The following TSHZ1 variants were observed in gnomAD, a reference collection of about 807,000 sequenced individuals.
TSHZ1 encodes teashirt zinc finger homeobox 1.
A neutral mutation model predicts 67.1 loss-of-function variants in TSHZ1; 12 were observed. That is an observed-to-expected ratio of 0.18 (90% CI 0.11 to 0.29). The LOEUF is 0.29. TSHZ1 is among the 10% of genes least tolerant of loss of function. The pLI, the probability that TSHZ1 is intolerant of heterozygous loss-of-function variation, is 1.00. For missense variants in TSHZ1, 1,305 were observed against 1,413.9 expected (o/e 0.92, Z 1.23); for synonymous variants, 632 against 622.4 (o/e 1.02, Z -0.23).
chr18:75,237,788 T>TTTATTTA (rs1290756952), intron 1 of TSHZ1, among the ~76,000 whole-genome samples: 2 of 87,720 alleles, frequency 2.3e-5, no homozygotes, highest in South Asian at 9.8e-4. Context: ...GCCTTCTTTC[T>TTTATTTA]TTCATTTATT....
intron 1 of TSHZ1, among the ~76,000 whole-genome samples, chr18:75,276,869 C>G (rs1364558181): frequency 6.6e-6 from 1 of 152,346 alleles, no homozygotes; most frequent in Admixed American, 6.5e-5. Context: ...TTTGAACATC[C>G]ATTCGTCTTT....
At chr18:75,221,654 A>G (rs2022846780) in intron 1 of TSHZ1, among the ~76,000 whole-genome samples, 1 of 152,254 alleles carries the variant, frequency 6.6e-6, no homozygotes. Flanking sequence ...AGAATGTGTC[A>G]CAGCAGTAGG....
chr18:75,285,299 C>A (rs1192628510), intron 1 of TSHZ1, 149 bp from the exon 2 acceptor site: 2 of 936,450 alleles, frequency 2.1e-6, no homozygotes, highest in Non-Finnish European at 2.9e-6. Flanking sequence ...CTAACTCCTG[C>A]AAAGGGGTAG....
At chr18:75,277,980 C>A (rs1364310873) in intron 1 of TSHZ1, among the ~76,000 whole-genome samples, 1 of 152,096 alleles carries the variant, frequency 6.6e-6, no homozygotes, top group Non-Finnish European at 1.5e-5. Flanking sequence ...GCCTGGGCTC[C>A]TACCATGCTC....
intron 1 of TSHZ1, among the ~76,000 whole-genome samples, chr18:75,278,966 C>T (rs973538464): frequency 6.6e-6 from 1 of 152,100 alleles, no homozygotes; most frequent in Non-Finnish European, 1.5e-5. Context: ...TCGTTGAGTC[C>T]CTTGCACCCA....
At chr18:75,249,550 G>A (rs1350391311) in intron 1 of TSHZ1, among the ~76,000 whole-genome samples, 1 of 151,282 alleles carries the variant, frequency 6.6e-6, no homozygotes, top group Admixed American at 6.6e-5. Context: ...TGACCTCCTC[G>A]CCATCTCACC....
At chr18:75,263,068 A>T (rs999515146) in intron 1 of TSHZ1, among the ~76,000 whole-genome samples, 1 of 152,216 alleles carries the variant, frequency 6.6e-6, no homozygotes, top group Non-Finnish European at 1.5e-5. Context: ...CTCTTAAGCC[A>T]TGCTGCCTCC....
rs11874623 is a variant in TSHZ1, at chr18:75,248,681, C to T, written c.40+36765C>T. 4.6e-3 allele frequency among the ~76,000 whole-genome samples: 695 copies of T among 152,274 alleles called. 3 individuals carry two copies. Among genetic ancestry groups the T allele is most frequent in the Middle Eastern group, 0.027 (8 of 294 alleles). ...CCCCTCATTTGGAATCCATTTTATACGTTTATTGGAAGCTAATGTTTCAGT... is the reference window on the plus strand; with the variant it reads ...CCCCTCATTTGGAATCCATTTTATATGTTTATTGGAAGCTAATGTTTCAGT... On this transcript the variant is annotated intron_variant, in intron 1 of 1. Coordinates refer to ENST00000580243, the MANE Select transcript of TSHZ1 (RefSeq NM_001308210.2).
rs990026059 is a variant in TSHZ1, at chr18:75,235,582, C to T, written c.40+23666C>T. 4.6e-5 allele frequency among the ~76,000 whole-genome samples: 7 copies of T among 152,248 alleles called. 1 individual carries two copies. Among genetic ancestry groups the T allele is most frequent in the African/African-American group, 1.2e-4 (5 of 41,550 alleles). ...TGCTTATTTCTTGACAGTTCAAGGA[C>T]AAAGTAAAAGCAGCTAAGAAGGTCC... On this transcript the variant is annotated intron_variant, in intron 1 of 1. Coordinates refer to ENST00000580243, the MANE Select transcript of TSHZ1 (RefSeq NM_001308210.2).
chr18:75,265,577 T>A (rs1420021080), intron 1 of TSHZ1, among the ~76,000 whole-genome samples: 1 of 152,252 alleles, frequency 6.6e-6, no homozygotes, highest in East Asian at 1.9e-4. Context: ...AGTGTCACTG[T>A]GCATAGCAAC....
chr18:75,272,207 T>C (rs112255336), intron 1 of TSHZ1, among the ~76,000 whole-genome samples: 1,672 of 152,346 alleles, frequency 0.011, 26 homozygotes, highest in African/African-American at 0.036. Flanking sequence ...GTTTATCAGA[T>C]AGAAGAGGAA....
rs2023684741 is a variant in TSHZ1 at position 75,281,517 on chromosome 18, ATGG to A, written c.41-3930_41-3928del. Among the ~76,000 whole-genome samples the A allele has an allele frequency of 6.6e-6, 1 of 152,030 alleles. No individual in the cohort carries two copies. Among genetic ancestry groups the A allele is most frequent in the African/African-American group, 2.4e-5 (1 of 41,394 alleles). On this transcript the variant is annotated intron_variant, in intron 1 of 1. Coordinates refer to ENST00000580243, the MANE Select transcript of TSHZ1 (RefSeq NM_001308210.2). The surrounding 1 kb of genome is among the most constrained non-coding windows in gnomAD (Gnocchi z 5.3). ...CATGGGGCCAGGCCCTGAAAGCACCATGGGGGTGGCATGACAGGCGTCCTCCCT... is the reference window on the plus strand; with the variant it reads ...CATGGGGCCAGGCCCTGAAAGCACCAGGGTGGCATGACAGGCGTCCTCCCT...
chr18:75,284,812 G>A (rs1568369131), intron 1 of TSHZ1: 2 of 152,302 alleles, frequency 1.3e-5, no homozygotes, highest in Admixed American at 1.3e-4. Context: ...CCAGCTTTTG[G>A]CTGCAGTCAA....
At chr18:75,251,839 G>C (rs958786202) in intron 1 of TSHZ1, among the ~76,000 whole-genome samples, 1 of 152,158 alleles carries the variant, frequency 6.6e-6, no homozygotes. Flanking sequence ...GGAAAAGCTG[G>C]AATAAAGGTG....
At chr18:75,283,495 G>A (rs1054709391) in intron 1 of TSHZ1, 3 of 152,218 alleles carry the variant, frequency 2.0e-5, no homozygotes, top group Non-Finnish European at 4.4e-5. Context: ...CGTAGTTGAG[G>A]CCTGGGGTCT....
At chr18:75,274,516 A>G (rs1425754356) in intron 1 of TSHZ1, among the ~76,000 whole-genome samples, 2 of 152,204 alleles carry the variant, frequency 1.3e-5, no homozygotes, top group African/African-American at 2.4e-5. Flanking sequence ...ATCACTAGAA[A>G]TAAGCATTTC....
At chr18:75,276,600 C>G (rs577632639) in intron 1 of TSHZ1, among the ~76,000 whole-genome samples, 1 of 152,182 alleles carries the variant, frequency 6.6e-6, no homozygotes, top group Non-Finnish European at 1.5e-5. Context: ...TACAATGAAT[C>G]GAAGCTGTAC....
Position 75,211,251 on chromosome 18 carries a change from C to CG in TSHZ1, c.-621dup. On this transcript the variant is annotated 5_prime_UTR_variant, in exon 1 of 2. It removes the in-frame stop codon of an upstream open reading frame in the 5' UTR. Coordinates refer to ENST00000580243, the MANE Select transcript of TSHZ1 (RefSeq NM_001308210.2). ...CATCTCCCCCCGGCGCATGTATGTA[C>CG]GGGGGCTTCACTCCTCTGTCTTGTT... The CG allele has an allele frequency of 6.6e-6, 1 of 152,014 alleles. No individual in the cohort carries two copies. The highest frequency in any genetic ancestry group is 2.1e-4 in the South Asian group (1 of 4,810). 9.4% of individuals were successfully genotyped at this position (152,014 alleles called of 1,614,324 possible).
chr18:75,288,825 T>C lies in TSHZ1; in HGVS notation c.*184T>C, dbSNP rs1247536397. On this transcript the variant is annotated 3_prime_UTR_variant, in exon 2 of 2. Coordinates refer to ENST00000580243, the MANE Select transcript of TSHZ1 (RefSeq NM_001308210.2). The surrounding 1 kb of genome is among the most constrained non-coding windows in gnomAD (Gnocchi z 4.9). ...GTCCGATCTGTGCATGTTATTTTTCTTTTTCCGTGAGTCAAAGTCTGACCT... is the reference window on the plus strand; with the variant it reads ...GTCCGATCTGTGCATGTTATTTTTCCTTTTCCGTGAGTCAAAGTCTGACCT... 1 of 1,010,740 alleles carries C rather than the reference T, an allele frequency of 9.9e-7. No homozygotes were observed. The highest frequency in any genetic ancestry group is 1.3e-6 in the Non-Finnish European group (1 of 744,618). 62.6% of individuals were successfully genotyped at this position (1,010,740 alleles called of 1,614,324 possible). A position where few individuals can be genotyped will look rare whatever the true frequency, so the allele number is the denominator to read the frequency against.
Sources: gnomAD v4.1 joint callset for allele counts (sites outside exome capture counted in the v4.1 genomes callset) on GRCh38, gnomAD v4.1.1 for gene constraint, Gnocchi (gnomAD v3.1) non-coding constraint, MANE v1.5 for transcripts, NCBI Gene and HGNC (gene_info 2026-07-23, HGNC 2026-07-21) for gene names.